The following OVAAL variants were observed in gnomAD, a reference collection of about 807,000 sequenced individuals.
OVAAL encodes the protein ovarian adenocarcinoma amplified long non-coding RNA, also known as long intergenic non-protein coding RNA 1131.
At position 180,565,619 on chromosome 1, in the gene OVAAL, C is replaced by A. The variant is rs146245930; in HGVS notation, n.882C>A. 14 of 152,260 alleles carry A rather than the reference C, an allele frequency of 9.2e-5. No homozygotes were observed. The East Asian group carries it at 2.7e-3, about 29-fold the overall frequency. The allele number at this position is 152,260 out of a possible 1,614,324, so 9.4% of individuals were successfully genotyped here. ...CTCTCCTGCTTCGTTTGGAATTCAACCCAATGAACTTGAATAAACTCTGGA... is the reference window on the plus strand; with the variant it reads ...CTCTCCTGCTTCGTTTGGAATTCAAACCAATGAACTTGAATAAACTCTGGA... On this transcript the variant is annotated non_coding_transcript_exon_variant, in exon 3 of 3. Transcript: ENST00000673955.
intron 1 of OVAAL, among the ~76,000 whole-genome samples, chr1:180,561,890 G>C (rs1436946635): frequency 1.3e-5 from 2 of 151,998 alleles, no homozygotes; most frequent in African/African-American, 2.4e-5. Context: ...GGACATGATG[G>C]TGAGCACCTG....
At chr1:180,561,114 T>C (rs1391304309) in intron 1 of OVAAL, among the ~76,000 whole-genome samples, 2 of 152,196 alleles carry the variant, frequency 1.3e-5, no homozygotes, top group Non-Finnish European at 2.9e-5. Context: ...CTGGTATATT[T>C]GCTCTGCTCT....
intron 2 of OVAAL, among the ~76,000 whole-genome samples, chr1:180,563,719 C>A (rs914526524): frequency 1.4e-4 from 21 of 152,234 alleles, no homozygotes; most frequent in African/African-American, 5.1e-4. Context: ...ACATTCTTCC[C>A]TTTACTGGTG....
intron 1 of OVAAL, among the ~76,000 whole-genome samples, chr1:180,561,195 G>A (rs1653194224): frequency 6.6e-6 from 1 of 152,158 alleles, no homozygotes; most frequent in South Asian, 2.1e-4. Context: ...TTTTACCCCA[G>A]CATACTGTTG....
chr1:180,566,436 A>G (rs1464913700), exon 3 of OVAAL: 3 of 152,254 alleles, frequency 2.0e-5, no homozygotes, highest in African/African-American at 4.8e-5. Context: ...TAAGATATGT[A>G]TAACACTGAA....
At chr1:180,561,284 G>A (rs1653194881) in intron 1 of OVAAL, among the ~76,000 whole-genome samples, 2 of 152,182 alleles carry the variant, frequency 1.3e-5, no homozygotes, top group African/African-American at 4.8e-5. Context: ...CAGATACTTA[G>A]TGGCAGCCCC....
At chr1:180,562,947 C>G (rs1351449321) in intron 2 of OVAAL, among the ~76,000 whole-genome samples, 2 of 152,090 alleles carry the variant, frequency 1.3e-5, no homozygotes, top group African/African-American at 2.4e-5. Context: ...TGTTTTTTTC[C>G]TCTAGCCAAG....
At chr1:180,565,943 A>G (rs1480615254) in exon 3 of OVAAL, 3 of 152,354 alleles carry the variant, frequency 2.0e-5, no homozygotes, top group Admixed American at 2.0e-4. Context: ...AGAAGAGATT[A>G]CAGTGCTTTT....
At chr1:180,562,744 A>G (rs1031135277) in intron 2 of OVAAL, among the ~76,000 whole-genome samples, 5 of 152,208 alleles carry the variant, frequency 3.3e-5, no homozygotes, top group African/African-American at 1.2e-4. Flanking sequence ...GGCTGGACAA[A>G]TATCTGAATC....
chr1:180,565,461 T>G (rs1453271619), exon 3 of OVAAL: 1 of 152,204 alleles, frequency 6.6e-6, no homozygotes, highest in Admixed American at 6.5e-5. Context: ...TGTATCAAAG[T>G]GCCAATTTCT....
At chr1:180,563,434 G>A (rs1324774105) in intron 2 of OVAAL, among the ~76,000 whole-genome samples, 1 of 152,180 alleles carries the variant, frequency 6.6e-6, no homozygotes, top group African/African-American at 2.4e-5. Flanking sequence ...AAGGCAGAGG[G>A]AGAGACCCAG....
chr1:180,563,669 C>T (rs964102162), intron 2 of OVAAL, among the ~76,000 whole-genome samples: 2 of 152,172 alleles, frequency 1.3e-5, no homozygotes, highest in East Asian at 1.9e-4. Flanking sequence ...GGTGAGCATG[C>T]GCAGTGTGTT....
exon 3 of OVAAL, chr1:180,566,303 T>A (rs1365426177): frequency 6.8e-6 from 1 of 146,842 alleles, no homozygotes; most frequent in Non-Finnish European, 1.5e-5. Context: ...CAATGGAAAT[T>A]TTTTTTAGAG....
At chr1:180,560,560 G>T (rs935311653) in intron 1 of OVAAL, among the ~76,000 whole-genome samples, 1 of 152,152 alleles carries the variant, frequency 6.6e-6, no homozygotes, top group African/African-American at 2.4e-5. Context: ...GTACCTCAGA[G>T]TTCCAAAGAA....
At chr1:180,559,708 C>G (rs1260402804) in intron 1 of OVAAL, among the ~76,000 whole-genome samples, 1 of 151,970 alleles carries the variant, frequency 6.6e-6, no homozygotes. Flanking sequence ...GAGCTCGAGA[C>G]CAGCCTGACC....
At chr1:180,562,976 T>G (rs969440562) in intron 2 of OVAAL, among the ~76,000 whole-genome samples, 3 of 152,168 alleles carry the variant, frequency 2.0e-5, no homozygotes, top group African/African-American at 7.2e-5. Context: ...TACAGGCAGA[T>G]TAAAGACACC....
At chr1:180,563,972 G>A (rs1255050451) in intron 2 of OVAAL, among the ~76,000 whole-genome samples, 3 of 152,136 alleles carry the variant, frequency 2.0e-5, no homozygotes, top group Non-Finnish European at 4.4e-5. Context: ...TTTCCCGGTG[G>A]GGTGTGGGGA....
At chr1:180,565,855 T>C (rs1336892847) in exon 3 of OVAAL, 1 of 152,048 alleles carries the variant, frequency 6.6e-6, no homozygotes, top group Non-Finnish European at 1.5e-5. Flanking sequence ...GGGACAGAAA[T>C]ACTCAAGCAG....
At chr1:180,564,165 A>G (rs999278321) in intron 2 of OVAAL, among the ~76,000 whole-genome samples, 1 of 152,190 alleles carries the variant, frequency 6.6e-6, no homozygotes, top group Non-Finnish European at 1.5e-5. Flanking sequence ...CAACTCATAT[A>G]TGGTAACCCA....
Sources: gnomAD v4.1 joint callset for allele counts (sites outside exome capture counted in the v4.1 genomes callset) on GRCh38, gnomAD v4.1.1 for gene constraint, MANE v1.5 for transcripts, NCBI Gene and HGNC (gene_info 2026-07-23, HGNC 2026-07-21) for gene names.